SNTG2: variants seen among roughly 807,000 people sequenced by gnomAD.
SNTG2 encodes gamma-2-syntrophin.
Under a neutral mutation model 70.9 loss-of-function variants are expected in SNTG2, and 74 were observed. That is an observed-to-expected ratio of 1.04 (90% CI 0.86 to 1.27). The LOEUF is 1.27. Ranked by LOEUF, SNTG2 falls within the 50% of genes most tolerant of loss-of-function variation. The pLI is 0.00. For missense variants in SNTG2, 717 were observed against 690.7 expected, an observed-to-expected ratio of 1.04 and a Z score of -0.43; for synonymous variants, 278 against 273.8, an observed-to-expected ratio of 1.02 and a Z score of -0.15.
At chr2:1,099,587 T>TGTAGTGAGG (rs1444615355) in intron 4 of SNTG2, among the ~76,000 whole-genome samples, 2 of 152,150 alleles carry the variant, frequency 1.3e-5, no homozygotes, top group East Asian at 1.9e-4. Flanking sequence ...TGAAGGTGGG[T>TGTAGTGAGG]GCAGTGAGGG....
intron 16 of SNTG2, among the ~76,000 whole-genome samples, chr2:1,363,094 G>A (rs1661287044): frequency 6.6e-6 from 1 of 151,550 alleles, no homozygotes; most frequent in Non-Finnish European, 1.5e-5. Flanking sequence ...CCGGCGCTGA[G>A]ATGGAATGAC....
At chr2:1,114,566 G>T (rs1414978061) in intron 4 of SNTG2, among the ~76,000 whole-genome samples, 1 of 148,716 alleles carries the variant, frequency 6.7e-6, no homozygotes, top group African/African-American at 2.6e-5. Context: ...ACTAAGTGAG[G>T]TTTAACCCTT....
intron 12 of SNTG2, among the ~76,000 whole-genome samples, chr2:1,258,894 A>G (rs77605488): frequency 0.017 from 2,609 of 152,284 alleles, 64 homozygotes; most frequent in African/African-American, 0.059. Flanking sequence ...CTGAAACAGA[A>G]CTAAGTTTAG....
chr2:1,361,219 G>A (rs1286386543), intron 16 of SNTG2, among the ~76,000 whole-genome samples: 1 of 152,174 alleles, frequency 6.6e-6, no homozygotes, highest in East Asian at 1.9e-4. Context: ...GTTACAGCCT[G>A]TGACATTATG....
intron 14 of SNTG2, among the ~76,000 whole-genome samples, chr2:1,272,584 C>A (rs1473234989): frequency 1.3e-5 from 2 of 151,704 alleles, no homozygotes; most frequent in Non-Finnish European, 2.9e-5. Context: ...AAAGGATATC[C>A]CAGGGAGCAG....
At position 1,083,473 on chromosome 2, in the gene SNTG2, C is replaced by T. The variant is rs1048413430; in HGVS notation, c.73-45C>T. The T allele has an allele frequency of 1.9e-5, 30 of 1,610,612 alleles. 1 individual carries two copies. The highest frequency in any genetic ancestry group is 2.5e-5 in the Non-Finnish European group (30 of 1,177,312). Reference sequence around the variant, plus strand: ...GCGTCACCTATCCCCACCCCTGGCTCCTGCCCTCACACCATTTTTTTGTGT... The same window carrying T: ...GCGTCACCTATCCCCACCCCTGGCTTCTGCCCTCACACCATTTTTTTGTGT... On this transcript the variant is annotated intron_variant, in intron 1 of 16. Coordinates refer to ENST00000308624, the MANE Select transcript of SNTG2 (RefSeq NM_018968.4).
intron 16 of SNTG2, among the ~76,000 whole-genome samples, chr2:1,356,556 A>G (rs1660863108): frequency 6.6e-6 from 1 of 152,124 alleles, no homozygotes. Context: ...TGTCTTTAGT[A>G]CCATACCATT....
intron 1 of SNTG2, among the ~76,000 whole-genome samples, chr2:973,072 C>T (rs1408825209): frequency 2.6e-5 from 4 of 152,146 alleles, no homozygotes; most frequent in Admixed American, 1.3e-4. Flanking sequence ...TTAGGAAACT[C>T]TAGTACATTC....
chr2:1,257,496 A>G (rs1296604595), intron 12 of SNTG2, among the ~76,000 whole-genome samples: 1 of 152,226 alleles, frequency 6.6e-6, no homozygotes, highest in East Asian at 1.9e-4. Context: ...AAAGGGGCTT[A>G]ATAAACAGAT....
intron 14 of SNTG2, among the ~76,000 whole-genome samples, chr2:1,285,954 C>A (rs1679747560): frequency 6.6e-6 from 1 of 152,214 alleles, no homozygotes; most frequent in Non-Finnish European, 1.5e-5. Flanking sequence ...GCGTACTCTT[C>A]CTTACCTCTG....
At chr2:955,683 G>A (rs573191665) in intron 1 of SNTG2, among the ~76,000 whole-genome samples, 6 of 152,338 alleles carry the variant, frequency 3.9e-5, no homozygotes, top group South Asian at 2.1e-4. Flanking sequence ...CCATGGGGAC[G>A]CACTCAGATT....
At position 1,367,491 on chromosome 2, in the gene SNTG2, G is replaced by T; in HGVS notation, c.*17G>T. 1 of 1,540,788 alleles carries T rather than the reference G, an allele frequency of 6.5e-7. No individual in the cohort carries two copies. On this transcript the variant is annotated 3_prime_UTR_variant, in exon 17 of 17. Coordinates refer to ENST00000308624, the MANE Select transcript of SNTG2 (RefSeq NM_018968.4). ...AGCAGCTAAAGGTTGTTTCTGTTGA[G>T]TGCTGAAAAATTAAATTATTTTCGT...
chr2:1,289,494 C>T (rs1453374401), intron 14 of SNTG2, among the ~76,000 whole-genome samples: 2 of 152,186 alleles, frequency 1.3e-5, no homozygotes, highest in Non-Finnish European at 2.9e-5. Flanking sequence ...CCATGGCACA[C>T]TTTGTGCACT....
intron 1 of SNTG2, among the ~76,000 whole-genome samples, chr2:961,663 C>T (rs1660355578): frequency 6.6e-6 from 1 of 152,110 alleles, no homozygotes; most frequent in African/African-American, 2.4e-5. Flanking sequence ...TCTCTTATGT[C>T]ATTTTGAGTT....
chr2:1,158,559 C>T (rs1670055718), intron 6 of SNTG2: 2 of 152,204 alleles, frequency 1.3e-5, no homozygotes, highest in Admixed American at 1.3e-4. Context: ...TGCACATTTC[C>T]AAATCATGTT....
intron 8 of SNTG2, among the ~76,000 whole-genome samples, chr2:1,193,985 A>G (rs561166782): frequency 5.9e-5 from 9 of 152,340 alleles, no homozygotes; most frequent in African/African-American, 1.9e-4. Flanking sequence ...ATCTCCCTCC[A>G]GCCAGTCTGT....
chr2:1,177,559 CT>C (rs1351375982), intron 8 of SNTG2, among the ~76,000 whole-genome samples: 1 of 151,776 alleles, frequency 6.6e-6, no homozygotes, highest in African/African-American at 2.4e-5. Context: ...TTGACAACTT[CT>C]TTCTCAACAA....
intron 14 of SNTG2, among the ~76,000 whole-genome samples, chr2:1,301,649 C>T (rs1037137404): frequency 2.0e-5 from 3 of 152,202 alleles, no homozygotes; most frequent in Non-Finnish European, 4.4e-5. Context: ...GTGGCGTTCT[C>T]ATCAGACACT....
intron 4 of SNTG2, among the ~76,000 whole-genome samples, chr2:1,111,014 C>T (rs1572456443): frequency 1.3e-5 from 2 of 152,208 alleles, no homozygotes; most frequent in Admixed American, 6.5e-5. Flanking sequence ...CTTTCTGTCA[C>T]AAGCCAAAAT....
Sources: gnomAD v4.1 joint callset for allele counts (sites outside exome capture counted in the v4.1 genomes callset) on GRCh38, gnomAD v4.1.1 for gene constraint, MANE v1.5 for transcripts, NCBI Gene and HGNC (gene_info 2026-07-23, HGNC 2026-07-21) for gene names.